ARHGAP10: variants seen among roughly 807,000 people sequenced by gnomAD.
ARHGAP10 encodes Rho GTPase activating protein 10, also known as rho GTPase-activating protein 10.
A neutral mutation model predicts 108.6 loss-of-function variants in ARHGAP10; 87 were observed. That is an observed-to-expected ratio of 0.80 (90% confidence interval 0.67 to 0.96). The LOEUF (loss-of-function observed/expected upper bound fraction) is 0.96. Among genes scored for constraint, ARHGAP10 ranks in the 40% least tolerant of loss-of-function variants. The pLI is 0.00. For missense variants in ARHGAP10, 939 were observed against 954.5 expected, an observed-to-expected ratio of 0.98 and a Z score of 0.21; for synonymous variants, 347 against 341.1, an observed-to-expected ratio of 1.02 and a Z score of -0.19.
At chr4:148,047,942 C>T (rs1272219639) in intron 20 of ARHGAP10, among the ~76,000 whole-genome samples, 2 of 152,102 alleles carry the variant, frequency 1.3e-5, no homozygotes, top group East Asian at 3.8e-4. Flanking sequence ...CCTGCCTCAG[C>T]CTCCCAAGTA....
At chr4:147,916,171 ATTAC>A (rs1287477309) in intron 13 of ARHGAP10, among the ~76,000 whole-genome samples, 4 of 152,210 alleles carry the variant, frequency 2.6e-5, no homozygotes, top group African/African-American at 9.7e-5. Context: ...TAATTGAAGA[ATTAC>A]TTCTAATCAC....
intron 4 of ARHGAP10, among the ~76,000 whole-genome samples, chr4:147,852,703 A>T (rs746512635): frequency 3.1e-5 from 4 of 127,164 alleles, no homozygotes; most frequent in Non-Finnish European, 6.3e-5. Flanking sequence ...ACATCACCAA[A>T]CTTTTTTTTT....
rs188326584 is a variant in ARHGAP10 at position 147,946,805 on chromosome 4, C to G, written c.1391+101C>G. ...CATAAATATCAATAGTTAAATTAAG[C>G]CTTATTTTAAAAAGGGAAAATTTAT... On this transcript the variant is annotated intron_variant, in intron 15 of 22. Transcript: ENST00000336498. 2.3e-4 allele frequency: 223 copies of G among 954,420 alleles called. No homozygotes were observed. In the East Asian group the frequency reaches 5.7e-3, roughly 24 times the overall value. The allele number at this position is 954,420 out of a possible 1,614,324, so 59.1% of individuals were successfully genotyped here. A position where few individuals can be genotyped will look rare whatever the true frequency, so the allele number is the denominator to read the frequency against.
intron 1 of ARHGAP10, among the ~76,000 whole-genome samples, chr4:147,795,270 C>T (rs1200307741): frequency 2.0e-5 from 3 of 152,176 alleles, no homozygotes; most frequent in Non-Finnish European, 4.4e-5. Flanking sequence ...GATATGTAAT[C>T]TACTTGCCTT....
chr4:147,877,116 T>C (rs1391454456), intron 8 of ARHGAP10, among the ~76,000 whole-genome samples: 1 of 152,158 alleles, frequency 6.6e-6, no homozygotes, highest in East Asian at 1.9e-4. Flanking sequence ...ACCTTGATAT[T>C]TGGGGCCAGA....
chr4:147,798,056 T>A (rs1309855851), intron 1 of ARHGAP10, among the ~76,000 whole-genome samples: 1 of 152,220 alleles, frequency 6.6e-6, no homozygotes, highest in Non-Finnish European at 1.5e-5. Flanking sequence ...AGGTGTTTCT[T>A]AAGTGGCAGA....
intron 10 of ARHGAP10, among the ~76,000 whole-genome samples, chr4:147,897,834 T>C (rs1306936439): frequency 6.6e-6 from 1 of 152,168 alleles, no homozygotes; most frequent in Non-Finnish European, 1.5e-5. Flanking sequence ...TATGCATACA[T>C]GTGGGTGTAA....
chr4:148,061,765 G>C (rs11099674), intron 20 of ARHGAP10, among the ~76,000 whole-genome samples: 1 of 152,004 alleles, frequency 6.6e-6, no homozygotes, highest in African/African-American at 2.4e-5. Context: ...GATGTTGGCT[G>C]ATGGCTCCAT....
rs147908751 is a variant in ARHGAP10, at chr4:147,932,620, G to A, written c.1229-7205G>A. Among the ~76,000 whole-genome samples, 1,059 of 151,164 alleles carry A rather than the reference G, an allele frequency of 7.0e-3. 20 individuals carry two copies. Among genetic ancestry groups the A allele is most frequent in the African/African-American group, 0.025 (1,009 of 41,056 alleles). On this transcript the variant is annotated intron_variant, in intron 13 of 22. Transcript: ENST00000336498. ...CTAAATAATAACACATGGACACATG[G>A]GGGGAACAACACACACTGGGACCTG...
chr4:147,768,576 A>C (rs116458648), intron 1 of ARHGAP10, among the ~76,000 whole-genome samples: 1,757 of 152,174 alleles, frequency 0.012, 26 homozygotes, highest in South Asian at 0.038. Context: ...CAGAGACTTG[A>C]ACATAATGAA....
chr4:147,905,264 T>C (rs1736436660), intron 10 of ARHGAP10, among the ~76,000 whole-genome samples: 1 of 150,170 alleles, frequency 6.7e-6, no homozygotes, highest in African/African-American at 2.4e-5. Context: ...ATTTTGGCTT[T>C]TGTTGCCATT....
chr4:148,014,043 G>GTTAC (rs1741260647), intron 18 of ARHGAP10, among the ~76,000 whole-genome samples: 1 of 152,114 alleles, frequency 6.6e-6, no homozygotes, highest in South Asian at 2.1e-4. Flanking sequence ...AGGAGAAAAG[G>GTTAC]AACCTCAAAA....
chr4:147,749,025 C>T (rs1308318502), intron 1 of ARHGAP10, among the ~76,000 whole-genome samples: 1 of 152,172 alleles, frequency 6.6e-6, no homozygotes, highest in East Asian at 1.9e-4. Flanking sequence ...CTTTATTAGA[C>T]CTGTTTTGAT....
intron 18 of ARHGAP10, among the ~76,000 whole-genome samples, chr4:147,983,193 T>G (rs1560858647): frequency 1.3e-5 from 2 of 150,026 alleles, no homozygotes; most frequent in African/African-American, 4.9e-5. Flanking sequence ...CTTTGTTTTT[T>G]TTTTTTTTTT....
intron 1 of ARHGAP10, among the ~76,000 whole-genome samples, chr4:147,781,979 C>T (rs1022477679): frequency 1.9e-4 from 29 of 152,042 alleles, no homozygotes; most frequent in African/African-American, 6.3e-4. Context: ...TTCTGAAATA[C>T]GGTAAAATAA....
chr4:147,733,621 G>A (rs759128977), intron 1 of ARHGAP10, among the ~76,000 whole-genome samples: 1 of 152,088 alleles, frequency 6.6e-6, no homozygotes, highest in Non-Finnish European at 1.5e-5. Flanking sequence ...TCCCGACCGC[G>A]CCCCGCCCCA....
intron 1 of ARHGAP10, among the ~76,000 whole-genome samples, chr4:147,759,912 C>G (rs1212831597): frequency 6.6e-6 from 1 of 152,026 alleles, no homozygotes; most frequent in African/African-American, 2.4e-5. Context: ...CCATGCCTGG[C>G]TAATTTTTGT....
At chr4:147,794,947 T>C (rs1731257567) in intron 1 of ARHGAP10, among the ~76,000 whole-genome samples, 1 of 152,228 alleles carries the variant, frequency 6.6e-6, no homozygotes, top group South Asian at 2.1e-4. Flanking sequence ...AATTCAATAT[T>C]TAAAGTACGT....
intron 13 of ARHGAP10, among the ~76,000 whole-genome samples, chr4:147,922,843 G>A (rs1241248865): frequency 1.3e-5 from 2 of 152,116 alleles, no homozygotes; most frequent in Non-Finnish European, 2.9e-5. Context: ...CTTGAAATGT[G>A]CATGTGCCTC....
Sources: gnomAD v4.1 joint callset for allele counts (sites outside exome capture counted in the v4.1 genomes callset) on GRCh38, gnomAD v4.1.1 for gene constraint, MANE v1.5 for transcripts, NCBI Gene and HGNC (gene_info 2026-07-23, HGNC 2026-07-21) for gene names.